The following VMP1 variants were observed in gnomAD, a reference collection of about 807,000 sequenced individuals.
VMP1 encodes ectopic P-granules autophagy protein 3 homolog.
In VMP1, 11 loss-of-function variants were observed where a neutral mutation model predicts 56.0. The ratio of observed to expected loss-of-function variants is 0.20; its 90% CI spans 0.12 to 0.32. The LOEUF is 0.32. Among genes scored for constraint, VMP1 ranks in the 10% least tolerant of loss-of-function variants. The probability of loss-of-function intolerance (pLI) is 1.00; values close to 1 mark genes in which losing one functional copy is unlikely to be tolerated. For missense variants in VMP1, 296 were observed against 490.3 expected (o/e 0.60, Z 3.74); for synonymous variants, 149 against 165.0 (o/e 0.90, Z 0.74).
intron 5 of VMP1, among the ~76,000 whole-genome samples, chr17:59,748,119 C>T (rs2035501265): frequency 6.6e-6 from 1 of 151,548 alleles, no homozygotes; most frequent in South Asian, 2.1e-4. Flanking sequence ...TGGCGTGAAC[C>T]CAGGAGGCGG....
intron 7 of VMP1, among the ~76,000 whole-genome samples, chr17:59,794,680 C>G (rs961786456): frequency 4.0e-5 from 6 of 151,326 alleles, no homozygotes; most frequent in African/African-American, 1.5e-4. Context: ...GTGTGAACTT[C>G]TAAGAATAAT....
intron 7 of VMP1, among the ~76,000 whole-genome samples, chr17:59,775,711 G>A (rs2036597352): frequency 6.6e-6 from 1 of 152,170 alleles, no homozygotes; most frequent in Admixed American, 6.5e-5. Flanking sequence ...GAATGCCCTG[G>A]AGTATTCTAG....
chr17:59,731,589 A>C (rs1006030884), intron 2 of VMP1, 67 bp downstream of exon 2: 2 of 1,155,902 alleles, frequency 1.7e-6, no homozygotes, highest in African/African-American at 3.3e-5. Flanking sequence ...ATTGGAATAA[A>C]ATAGAGATAT....
chr17:59,779,444 G>A (rs952740565), intron 7 of VMP1, among the ~76,000 whole-genome samples: 8 of 152,238 alleles, frequency 5.3e-5, no homozygotes, highest in African/African-American at 1.9e-4. Context: ...GCCTCTTCTG[G>A]CAGTTCTGCT....
chr17:59,715,277 C>T (rs1024349438), intron 1 of VMP1, among the ~76,000 whole-genome samples: 1 of 152,124 alleles, frequency 6.6e-6, no homozygotes, highest in Non-Finnish European at 1.5e-5. Context: ...CTACCTGAGA[C>T]TGGGTAATTT....
chr17:59,766,471 C>G (rs2036236054), intron 6 of VMP1, among the ~76,000 whole-genome samples: 1 of 152,104 alleles, frequency 6.6e-6, no homozygotes, highest in Non-Finnish European at 1.5e-5. Flanking sequence ...CCACCGCTCT[C>G]CAGCCTGGGC....
chr17:59,735,543 C>T, intron 3 of VMP1, 70 bp downstream of exon 3: 2 of 1,547,282 alleles, frequency 1.3e-6, no homozygotes, highest in South Asian at 2.3e-5. Flanking sequence ...TCAGTAATCT[C>T]TTACTTTCTG....
chr17:59,761,300 G>A (rs1020208328), intron 5 of VMP1, among the ~76,000 whole-genome samples: 2 of 152,114 alleles, frequency 1.3e-5, no homozygotes, highest in African/African-American at 2.4e-5. Context: ...TGTTTCTATT[G>A]AGCAATATTT....
rs2039162117 is a variant in VMP1, at chr17:59,841,700, A to G, written c.*1789A>G. The G allele has an allele frequency of 6.5e-6, 1 of 152,692 alleles. No homozygotes were observed. Among genetic ancestry groups the G allele is most frequent in the Non-Finnish European group, 1.5e-5 (1 of 68,374 alleles). The allele number at this position is 152,692 out of a possible 1,614,324, so 9.5% of individuals were successfully genotyped here. ...CATTAACCAACATAATTTTTTTTAG[A>G]TCGAGTCAGCATAAATTTCTAAGTC... On this transcript the variant is annotated 3_prime_UTR_variant, in exon 12 of 12. Coordinates refer to ENST00000262291, the MANE Select transcript of VMP1 (RefSeq NM_030938.5).
chr17:59,750,913 T>A (rs1366898385), intron 5 of VMP1, among the ~76,000 whole-genome samples: 1 of 150,102 alleles, frequency 6.7e-6, no homozygotes, highest in Non-Finnish European at 1.5e-5. Flanking sequence ...GGCAGATTTT[T>A]CCAAGATAGC....
intron 1 of VMP1, among the ~76,000 whole-genome samples, chr17:59,725,703 G>A (rs1268026320): frequency 6.6e-6 from 1 of 151,952 alleles, no homozygotes. Context: ...AATTTATTTT[G>A]TTTATGAAGA....
chr17:59,836,505 C>T (rs1029439925), intron 10 of VMP1, among the ~76,000 whole-genome samples: 1 of 152,088 alleles, frequency 6.6e-6, no homozygotes, highest in Non-Finnish European at 1.5e-5. Context: ...GCCTAGAGGA[C>T]CTTTTTAACA....
chr17:59,781,707 G>A (rs2036828844), intron 7 of VMP1, among the ~76,000 whole-genome samples: 1 of 152,000 alleles, frequency 6.6e-6, no homozygotes, highest in Non-Finnish European at 1.5e-5. Flanking sequence ...TTACTACAAA[G>A]TAAGTTTATT....
intron 1 of VMP1, among the ~76,000 whole-genome samples, chr17:59,713,217 C>G (rs1372949187): frequency 2.1e-5 from 3 of 145,914 alleles, no homozygotes; most frequent in African/African-American, 7.8e-5. Context: ...TCTATGGACA[C>G]AGGAGGGGGG....
intron 5 of VMP1, among the ~76,000 whole-genome samples, chr17:59,758,114 A>C (rs2035913361): frequency 6.6e-6 from 1 of 151,900 alleles, no homozygotes; most frequent in South Asian, 2.1e-4. Context: ...AGTGCTGAGA[A>C]TACAGACATG....
chr17:59,755,163 A>G (rs2035794184), intron 5 of VMP1, among the ~76,000 whole-genome samples: 1 of 151,320 alleles, frequency 6.6e-6, no homozygotes, highest in African/African-American at 2.4e-5. Context: ...GCTGGAGTGC[A>G]ATGGCGCGAT....
At chr17:59,723,388 G>A (rs1009699391) in intron 1 of VMP1, among the ~76,000 whole-genome samples, 1 of 152,156 alleles carries the variant, frequency 6.6e-6, no homozygotes, top group Non-Finnish European at 1.5e-5. Context: ...CATAGAGCAG[G>A]GGGAGCCGTC....
intron 7 of VMP1, among the ~76,000 whole-genome samples, chr17:59,777,069 A>G (rs1445076190): frequency 6.6e-6 from 1 of 152,122 alleles, no homozygotes; most frequent in Non-Finnish European, 1.5e-5. Context: ...GATTATATCA[A>G]TTCCATTTTT....
intron 5 of VMP1, among the ~76,000 whole-genome samples, chr17:59,763,922 G>T (rs2036144940): frequency 6.6e-6 from 1 of 152,102 alleles, no homozygotes; most frequent in African/African-American, 2.4e-5. Context: ...ATAGCTGATG[G>T]CTGCTAGTTA....
Sources: gnomAD v4.1 joint callset for allele counts (sites outside exome capture counted in the v4.1 genomes callset) on GRCh38, gnomAD v4.1.1 for gene constraint, MANE v1.5 for transcripts, NCBI Gene and HGNC (gene_info 2026-07-23, HGNC 2026-07-21) for gene names.